Variants in TYW1B observed in about 807,000 individuals in gnomAD.
TYW1B encodes tRNA-yW synthesizing protein 1 homolog B.
TYW1B carries 73 observed loss-of-function variants against 86.9 expected under a neutral mutation model. The observed-to-expected ratio is 0.84, with a 90% CI of 0.70 to 1.02. The LOEUF (loss-of-function observed/expected upper bound fraction) is 1.02. Ranked by LOEUF, TYW1B falls within the 50% of genes least tolerant of loss-of-function variation. The pLI is 0.00. For missense variants in TYW1B, 637 were observed against 827.4 expected (o/e 0.77, Z 2.82); for synonymous variants, 248 against 292.8 (o/e 0.85, Z 1.56).
intron 11 of TYW1B, among the ~76,000 whole-genome samples, chr7:72,652,377 G>GAAA (rs1169791430): frequency 0.023 from 706 of 31,166 alleles, 85 homozygotes; most frequent in Middle Eastern, 0.1. Flanking sequence ...GACTCTGTCT[G>GAAA]AAAAAAAAAA....
intron 11 of TYW1B, among the ~76,000 whole-genome samples, chr7:72,680,440 A>C (rs3015920): frequency 0.79 from 119,432 of 151,734 alleles, 47,548 homozygotes; most frequent in Middle Eastern, 0.86. Context: ...TCAAACTCCA[A>C]GATCTTCAGC....
intron 11 of TYW1B, among the ~76,000 whole-genome samples, chr7:72,657,713 A>C (rs1476136261): frequency 6.6e-6 from 1 of 152,228 alleles, no homozygotes; most frequent in Non-Finnish European, 1.5e-5. Flanking sequence ...AAAACTGCTT[A>C]TCAAAAATAC....
intron 4 of TYW1B, among the ~76,000 whole-genome samples, chr7:72,809,116 C>T (rs1788550771): frequency 6.9e-6 from 1 of 145,326 alleles, no homozygotes. Flanking sequence ...GATCTCGGCT[C>T]ACTGCAATCT....
chr7:72,581,540 C>A (rs1811151279), intron 13 of TYW1B, among the ~76,000 whole-genome samples: 1 of 152,080 alleles, frequency 6.6e-6, no homozygotes, highest in African/African-American at 2.4e-5. Flanking sequence ...TTCACTGCAA[C>A]CTCCACCTCT....
At chr7:72,681,854 G>A (rs1554448523) in intron 11 of TYW1B, among the ~76,000 whole-genome samples, 1 of 151,368 alleles carries the variant, frequency 6.6e-6, no homozygotes, top group East Asian at 1.9e-4. Flanking sequence ...CAAAGTGCCG[G>A]GATTCCAGAA....
intron 9 of TYW1B, among the ~76,000 whole-genome samples, chr7:72,714,495 T>G (rs1365258747): frequency 4.6e-5 from 7 of 151,054 alleles, no homozygotes; most frequent in African/African-American, 1.5e-4. Context: ...TGGTGGCACA[T>G]GTCTGTGGTC....
chr7:72,692,362 A>T (rs1233332185), intron 11 of TYW1B, among the ~76,000 whole-genome samples: 1 of 152,104 alleles, frequency 6.6e-6, no homozygotes, highest in Non-Finnish European at 1.5e-5. Context: ...AAAAAATCAA[A>T]AAATTAACTA....
intron 6 of TYW1B, among the ~76,000 whole-genome samples, chr7:72,789,727 T>C (rs1228784703): frequency 6.6e-6 from 1 of 151,934 alleles, no homozygotes; most frequent in African/African-American, 2.4e-5. Context: ...TCCTCCCACC[T>C]CAGGCTCCCA....
At chr7:72,700,062 T>C (rs1814424688) in intron 10 of TYW1B, among the ~76,000 whole-genome samples, 1 of 152,118 alleles carries the variant, frequency 6.6e-6, no homozygotes, top group Non-Finnish European at 1.5e-5. Context: ...CTGTATTGTC[T>C]TTCTAAAATT....
intron 2 of TYW1B, among the ~76,000 whole-genome samples, chr7:72,823,442 A>G (rs1367384174): frequency 3.9e-5 from 6 of 152,010 alleles, no homozygotes; most frequent in Admixed American, 3.3e-4. Context: ...CACCATGGTG[A>G]AACCCCATCT....
chr7:72,773,269 T>G lies in TYW1B; in HGVS notation c.964+4147A>C, dbSNP rs543505296. ...AGTGTACAGTTGCTGAAAATCATAGTGTGGAATTCTGCTTCTAGCCAAGAT... is the reference window on the plus strand; with the variant it reads ...AGTGTACAGTTGCTGAAAATCATAGGGTGGAATTCTGCTTCTAGCCAAGAT... On this transcript the variant is annotated intron_variant, in intron 7 of 13. Coordinates refer to ENST00000620995, the MANE Select transcript of TYW1B (RefSeq NM_001145440.3). 5.3e-5 allele frequency among the ~76,000 whole-genome samples: 8 copies of G among 152,300 alleles called. No homozygotes were observed. In the East Asian group the frequency reaches 1.5e-3, roughly 29 times the overall value.
chr7:72,576,958 C>T (rs1346824960), intron 13 of TYW1B, among the ~76,000 whole-genome samples: 2 of 151,954 alleles, frequency 1.3e-5, no homozygotes, highest in Non-Finnish European at 2.9e-5. Flanking sequence ...AAAACCCCAT[C>T]GCTACTAAAA....
intron 10 of TYW1B, among the ~76,000 whole-genome samples, chr7:72,703,003 TA>T: frequency 4.1e-5 from 1 of 24,486 alleles, no homozygotes; most frequent in East Asian, 6.2e-4. Flanking sequence ...TATATATATA[TA>T]TATATATATA....
At chr7:72,800,037 T>C (rs1450473634) in intron 6 of TYW1B, among the ~76,000 whole-genome samples, 1 of 152,160 alleles carries the variant, frequency 6.6e-6, no homozygotes, top group Non-Finnish European at 1.5e-5. Context: ...TAATATTTTT[T>C]ATTGCTTCTA....
chr7:72,811,171 TAA>T, intron 3 of TYW1B, among the ~76,000 whole-genome samples: 1 of 147,584 alleles, frequency 6.8e-6, no homozygotes, highest in African/African-American at 2.5e-5. Flanking sequence ...CTCAGGAGGC[TAA>T]GCCAAGAGAA....
In TYW1B at chr7:72,713,762, C is replaced by T; in HGVS notation, c.1229G>A (p.Gly410Glu). The T allele has an allele frequency of 6.2e-7, 1 of 1,602,704 alleles. No individual in the cohort carries two copies. Among genetic ancestry groups the T allele is most frequent in the African/African-American group, 1.3e-5 (1 of 74,698 alleles). The change falls in exon 10 of 14, where the codon GGA becomes GAA. Residue 410 changes from glycine (G) to glutamate (E), a missense_variant. Gly to Glu is a moderately conservative substitution (Grantham distance 98). Transcript: ENST00000620995. ...CAATGCACAGTGCTTTACCGTCATTCCTTCTTCAAAGCGTTCTGCTTTGAC... is the reference window on the plus strand; with the variant it reads ...CAATGCACAGTGCTTTACCGTCATTTCTTCTTCAAAGCGTTCTGCTTTGAC... Reference protein sequence around the residue: ...PGVKAERFEEGMTVKHCALSL... With the variant: ...PGVKAERFEEEMTVKHCALSL...
intron 6 of TYW1B, 119 bp from the exon 7 acceptor site, chr7:72,777,652 A>T (rs1787980409): frequency 5.0e-6 from 6 of 1,194,406 alleles, no homozygotes; most frequent in Non-Finnish European, 7.0e-6. Context: ...ATAGTGGCTC[A>T]CGCCTGTAAT....
intron 5 of TYW1B, among the ~76,000 whole-genome samples, chr7:72,803,508 T>C (rs1788441264): frequency 6.6e-6 from 1 of 152,198 alleles, no homozygotes; most frequent in African/African-American, 2.4e-5. Context: ...ATCTCATAGA[T>C]GAGGAAATTA....
chr7:72,718,865 A>G (rs1204080111), intron 9 of TYW1B, among the ~76,000 whole-genome samples: 3 of 152,170 alleles, frequency 2.0e-5, no homozygotes, highest in East Asian at 1.9e-4. Context: ...TGGAAGGAGC[A>G]TCGGCTAGGC....
Sources: gnomAD v4.1 joint callset for allele counts (sites outside exome capture counted in the v4.1 genomes callset) on GRCh38, gnomAD v4.1.1 for gene constraint, MANE v1.5 for transcripts, NCBI Gene and HGNC (gene_info 2026-07-23, HGNC 2026-07-21) for gene names.